CYP4F12: variants seen among roughly 807,000 people sequenced by gnomAD.
CYP4F12 encodes cytochrome P450 family 4 subfamily F member 12, also known as cytochrome P450 4F12.
CYP4F12 carries 60 observed loss-of-function variants against 56.5 expected under a neutral mutation model. That is an observed-to-expected ratio of 1.06 (90% CI 0.86 to 1.32). CYP4F12 has a LOEUF of 1.32. Ranked by LOEUF, CYP4F12 falls within the 40% of genes most tolerant of loss-of-function variation. The pLI is 0.00. For missense variants in CYP4F12, 711 were observed against 683.5 expected (o/e 1.04, Z -0.45); for synonymous variants, 263 against 264.9 (o/e 0.99, Z 0.07).
chr19:15,673,678 G>A lies in CYP4F12; in HGVS notation c.149G>A (p.Cys50Tyr), dbSNP rs1238593330. 1 of 1,614,012 alleles carries A rather than the reference G, an allele frequency of 6.2e-7. No individual in the cohort carries two copies. The highest frequency in any genetic ancestry group is 1.3e-5 in the African/African-American group (1 of 74,914). Residue 50 changes from cysteine (C) to tyrosine (Y), a missense_variant, in exon 2 of 13, where the codon TGT (cysteine) becomes TAT (tyrosine). Cys to Tyr is a radical substitution (Grantham distance 194). Coordinates refer to ENST00000550308, the MANE Select transcript of CYP4F12 (RefSeq NM_023944.4). ...AFYNNCRRLQ[C>Y]FPQPPKRNWF... ...TATAACAACTGCCGCCGGCTCCAGT[G>A]TTTCCCACAGCCCCCAAAACGGAAC...
intron 9 of CYP4F12, among the ~76,000 whole-genome samples, chr19:15,692,489 C>A (rs7247987): frequency 6.6e-6 from 1 of 151,928 alleles, no homozygotes; most frequent in African/African-American, 2.4e-5. Flanking sequence ...AAATTCTATG[C>A]CCAGTGAACA....
chr19:15,681,636 A>G (rs2007305087), intron 5 of CYP4F12: 1 of 152,278 alleles, frequency 6.6e-6, no homozygotes, highest in Non-Finnish European at 1.5e-5. Context: ...ATAGTGGCAG[A>G]AACAAGCCTG....
rs2008137942 is a variant in CYP4F12 at position 15,696,361 on chromosome 19, A to T, written c.1315-69A>T. 8 of 1,611,672 alleles carry T rather than the reference A, an allele frequency of 5.0e-6. No homozygotes were observed. The East Asian group carries it at 1.8e-4, about 36-fold the overall frequency. The stretch of plus-strand genomic sequence containing the variant: ...AACATCACCTCACCCCAAAACACAC[A>T]CAAGTGTCTCTCCAAGGCTGCTGGA... On this transcript the variant is annotated intron_variant, in intron 11 of 12. Transcript: ENST00000550308.
At chr19:15,686,982 G>A (rs1398891546) in intron 9 of CYP4F12, among the ~76,000 whole-genome samples, 1 of 152,130 alleles carries the variant, frequency 6.6e-6, no homozygotes, top group African/African-American at 2.4e-5. Flanking sequence ...AAAAAAAAGT[G>A]TCTAAAACAT....
chr19:15,687,205 T>A (rs4808360), intron 9 of CYP4F12, among the ~76,000 whole-genome samples: 93,262 of 150,624 alleles, frequency 0.62, 29,773 homozygotes, highest in African/African-American at 0.78. Context: ...TGAACCCGGG[T>A]GGCGGAGCTT....
chr19:15,689,143 A>AATAATAATCATCATCATCATCATCATC (rs146012868), intron 9 of CYP4F12, among the ~76,000 whole-genome samples: 23 of 150,770 alleles, frequency 1.5e-4, no homozygotes, highest in African/African-American at 5.4e-4. Flanking sequence ...TAATAATAAT[A>AATAATAATCATCATCATCATCATCATC]ATAGCCGACT....
intron 9 of CYP4F12, among the ~76,000 whole-genome samples, chr19:15,688,320 A>T (rs627753): frequency 6.6e-6 from 1 of 151,058 alleles, no homozygotes; most frequent in South Asian, 2.1e-4. Context: ...CCTAAGAACC[A>T]CCCTCTGACT....
At chr19:15,678,529 C>A in intron 3 of CYP4F12, 124 bp downstream of exon 3, 2 of 1,298,736 alleles carry the variant, frequency 1.5e-6, no homozygotes, top group African/African-American at 1.5e-5. Context: ...TGTCTTCTCC[C>A]TCCATTGCCA....
rs768224938 is a variant in CYP4F12, at chr19:15,689,068, C to T, written c.1115+3871C>T. ...GTGACCAAGACCACAAAAGCAAATG[C>T]AACAAAACCAAAAATAAATCAGTGG... is the stretch of plus-strand genomic sequence containing the variant. On this transcript the variant is annotated intron_variant, in intron 9 of 12. Transcript: ENST00000550308. 3.6e-4 allele frequency among the ~76,000 whole-genome samples: 55 copies of T among 151,864 alleles called. No homozygotes were observed. In the Middle Eastern group the frequency reaches 0.014, roughly 38 times the overall value.
At chr19:15,676,547 A>C (rs1462595690) in intron 2 of CYP4F12, among the ~76,000 whole-genome samples, 13 of 17,430 alleles carry the variant, frequency 7.5e-4, no homozygotes, top group Admixed American at 1.8e-3. Context: ...TCACTCATTC[A>C]TATCCTCACT....
chr19:15,673,457 G>A lies in CYP4F12; in HGVS notation c.-1-72G>A, dbSNP rs946704074. The A allele has an allele frequency of 4.2e-5, 63 of 1,500,686 alleles. No homozygotes were observed. The African/African-American group carries it at 5.3e-4, about 13-fold the overall frequency. 93.0% of individuals were successfully genotyped at this position (1,500,686 alleles called of 1,614,324 possible). A position where few individuals can be genotyped will look rare whatever the true frequency, so the allele number is the denominator to read the frequency against. ...CCTGCCCCCAGCAGTTCCTGACTTC[G>A]CCCCTATACACTGTCCCCGGAGCTC... On this transcript the variant is annotated intron_variant, in intron 1 of 12. Coordinates refer to ENST00000550308, the MANE Select transcript of CYP4F12 (RefSeq NM_023944.4).
At chr19:15,687,291 A>AC (rs960123118) in intron 9 of CYP4F12, among the ~76,000 whole-genome samples, 3 of 148,238 alleles carry the variant, frequency 2.0e-5, no homozygotes, top group African/African-American at 5.0e-5. Flanking sequence ...AAAAAAAAAA[A>AC]AGAGCTTCCT....
At chr19:15,680,630 C>A in intron 5 of CYP4F12, 111 bp downstream of exon 5, 1 of 1,376,390 alleles carries the variant, frequency 7.3e-7, no homozygotes, top group East Asian at 2.3e-5. Context: ...ATTGCTCTTC[C>A]TCTCTGAGCC....
At chr19:15,678,584 AG>A in intron 3 of CYP4F12, 179 bp downstream of exon 3, 1 of 841,476 alleles carries the variant, frequency 1.2e-6, no homozygotes. Flanking sequence ...GGGCTCCAAG[AG>A]GCCTCAATTC....
chr19:15,691,583 T>A (rs1010138532), intron 9 of CYP4F12, among the ~76,000 whole-genome samples: 4 of 152,216 alleles, frequency 2.6e-5, no homozygotes, highest in African/African-American at 9.6e-5. Flanking sequence ...TTTGCCCAAG[T>A]TGATAAGCCA....
chr19:15,680,518 T>A lies in CYP4F12; in HGVS notation c.524T>A (p.Leu175His). 6.2e-7 allele frequency: 1 copy of A among 1,614,152 alleles called. No individual in the cohort carries two copies. The highest frequency in any genetic ancestry group is 8.5e-7 in the Non-Finnish European group (1 of 1,180,032). The change falls in exon 5 of 13, where the codon CTT becomes CAT. Residue 175 changes from leucine to histidine, a missense_variant and splice_region_variant. Transcript: ENST00000550308. ...TTCAACAAGAGTGCAAACATCATGC[T>A]TGTGAGTCCCTTGAAGTCTGGGTCC... ...TIFNKSANIM[L>H]DKWQHLASEG...
At position 15,680,402 on chromosome 19, in the gene CYP4F12, A is replaced by C. The variant is rs61731188; in HGVS notation, c.408A>C (p.Ile136=). The change falls in exon 5 of 13, where the codon ATA becomes ATC. Residue 136 remains isoleucine, a synonymous_variant. Coordinates refer to ENST00000550308, the MANE Select transcript of CYP4F12 (RefSeq NM_023944.4). ...TGGCTGCCCTACTAGGAGAAGGGAT[A>C]CTGCTGAGTGGCGGTGACAAGTGGA... The part of the protein sequence containing the change: ...RFLKPWLGEG[I]LLSGGDKWSR... 7,050 of 1,613,202 alleles carry C rather than the reference A, an allele frequency of 4.4e-3. 41 individuals carry two copies. In the African/African-American group the frequency reaches 0.083, roughly 19 times the overall value.
intron 9 of CYP4F12, 22 bp downstream of exon 9, chr19:15,685,219 C>T (rs1038590046): frequency 1.2e-6 from 2 of 1,611,642 alleles, no homozygotes; most frequent in Non-Finnish European, 1.7e-6. Context: ...TTCTTCTGGC[C>T]TGTTCCTGAG....
At chr19:15,688,761 A>G (rs678856) in intron 9 of CYP4F12, among the ~76,000 whole-genome samples, 44,148 of 151,968 alleles carry the variant, frequency 0.29, 7,098 homozygotes, top group African/African-American at 0.42. Context: ...AAAAGTAGGC[A>G]TTTAGATGAA....
Sources: gnomAD v4.1 joint callset for allele counts (sites outside exome capture counted in the v4.1 genomes callset) on GRCh38, gnomAD v4.1.1 for gene constraint, MANE v1.5 for transcripts, NCBI Gene and HGNC (gene_info 2026-07-23, HGNC 2026-07-21) for gene names.